The following NPAS3 variants were observed in gnomAD, a reference collection of about 807,000 sequenced individuals.
NPAS3 encodes the protein neuronal PAS domain-containing protein 3.
A neutral mutation model predicts 73.1 loss-of-function variants in NPAS3; 14 were observed. The ratio of observed to expected loss-of-function variants is 0.19; its 90% CI spans 0.13 to 0.30. NPAS3 has a LOEUF of 0.30. NPAS3 is among the 10% of genes least tolerant of loss of function. The pLI is 1.00. For missense variants in NPAS3, 1,096 were observed against 1,250.0 expected, an observed-to-expected ratio of 0.88 and a Z score of 1.86; for synonymous variants, 620 against 541.5, an observed-to-expected ratio of 1.14 and a Z score of -2.01.
At chr14:33,767,997 C>T (rs919788050) in intron 7 of NPAS3, among the ~76,000 whole-genome samples, 1 of 152,194 alleles carries the variant, frequency 6.6e-6, no homozygotes, top group Non-Finnish European at 1.5e-5. Flanking sequence ...CACATTCATC[C>T]TAAACTCTGC....
At chr14:33,527,852 G>C (rs2053870594) in intron 4 of NPAS3, among the ~76,000 whole-genome samples, 1 of 152,072 alleles carries the variant, frequency 6.6e-6, no homozygotes, top group African/African-American at 2.4e-5. Context: ...ATTGCATCCT[G>C]ATCTCCCTGC....
intron 5 of NPAS3, among the ~76,000 whole-genome samples, chr14:33,630,728 G>A (rs982271287): frequency 1.3e-5 from 2 of 151,970 alleles, no homozygotes; most frequent in African/African-American, 4.8e-5. Context: ...ATCAATATAT[G>A]CCCCCCCAGG....
intron 3 of NPAS3, among the ~76,000 whole-genome samples, chr14:33,276,404 G>A (rs971702293): frequency 1.3e-5 from 2 of 152,048 alleles, no homozygotes; most frequent in African/African-American, 4.8e-5. Flanking sequence ...CATACCAGAA[G>A]GAAATGCAAA....
intron 4 of NPAS3, among the ~76,000 whole-genome samples, chr14:33,406,776 G>A (rs1047098927): frequency 6.6e-6 from 1 of 152,118 alleles, no homozygotes; most frequent in Non-Finnish European, 1.5e-5. Flanking sequence ...AGGCACACTA[G>A]TTTTAACCAA....
At chr14:33,083,655 T>C (rs1027149211) in intron 2 of NPAS3, among the ~76,000 whole-genome samples, 1 of 152,210 alleles carries the variant, frequency 6.6e-6, no homozygotes, top group Non-Finnish European at 1.5e-5. Context: ...TATTAGTCAT[T>C]CTGTCATTGG....
At chr14:33,241,100 A>C (rs2048200629) in intron 3 of NPAS3, among the ~76,000 whole-genome samples, 2 of 151,848 alleles carry the variant, frequency 1.3e-5, no homozygotes, top group Admixed American at 6.6e-5. Flanking sequence ...TGGTTGAGAC[A>C]TTTTAATTCA....
At chr14:33,713,826 T>C (rs1195477745) in intron 6 of NPAS3, among the ~76,000 whole-genome samples, 1 of 152,208 alleles carries the variant, frequency 6.6e-6, no homozygotes, top group Non-Finnish European at 1.5e-5. Context: ...CTGTGATATG[T>C]CCATAGAACA....
At chr14:33,023,866 C>T (rs1248031045) in intron 1 of NPAS3, among the ~76,000 whole-genome samples, 1 of 152,080 alleles carries the variant, frequency 6.6e-6, no homozygotes, top group Non-Finnish European at 1.5e-5. Context: ...GTGGGTCTCA[C>T]ATAGGCATAC....
At chr14:33,795,590 A>G (rs753258244) in intron 10 of NPAS3, among the ~76,000 whole-genome samples, 2 of 152,298 alleles carry the variant, frequency 1.3e-5, no homozygotes, top group Non-Finnish European at 2.9e-5. Flanking sequence ...CAGGCACCCT[A>G]GGGCTAGCAG....
At chr14:33,479,238 T>A (rs2051193682) in intron 4 of NPAS3, among the ~76,000 whole-genome samples, 1 of 152,186 alleles carries the variant, frequency 6.6e-6, no homozygotes, top group South Asian at 2.1e-4. Context: ...TCCTTTTTAA[T>A]GTTAAATGCA....
intron 2 of NPAS3, among the ~76,000 whole-genome samples, chr14:33,130,645 G>T (rs1203009760): frequency 6.6e-6 from 1 of 152,106 alleles, no homozygotes; most frequent in Non-Finnish European, 1.5e-5. Flanking sequence ...ACAAGTGAAT[G>T]GGGGAAATGC....
intron 4 of NPAS3, among the ~76,000 whole-genome samples, chr14:33,453,199 C>T (rs2049880601): frequency 6.6e-6 from 1 of 152,188 alleles, no homozygotes; most frequent in Non-Finnish European, 1.5e-5. Flanking sequence ...CCATGTTCAT[C>T]TCAGCCAGGG....
intron 3 of NPAS3, among the ~76,000 whole-genome samples, chr14:33,258,209 C>A (rs1040627818): frequency 6.6e-6 from 1 of 152,062 alleles, no homozygotes; most frequent in Admixed American, 6.5e-5. Flanking sequence ...CCAGCCTGGG[C>A]AACACGTTAA....
chr14:33,208,329 G>A (rs1343273177), intron 2 of NPAS3, among the ~76,000 whole-genome samples: 1 of 152,124 alleles, frequency 6.6e-6, no homozygotes, highest in East Asian at 1.9e-4. Flanking sequence ...CTATTCTAAT[G>A]ACTCATTCTG....
chr14:33,459,594 A>G (rs189347509), intron 4 of NPAS3, among the ~76,000 whole-genome samples: 254 of 152,336 alleles, frequency 1.7e-3, no homozygotes, highest in Non-Finnish European at 2.8e-3. Flanking sequence ...TATCTGTAGA[A>G]GAGGAATATT....
At chr14:33,072,344 C>T (rs1418866307) in intron 2 of NPAS3, among the ~76,000 whole-genome samples, 1 of 152,204 alleles carries the variant, frequency 6.6e-6, no homozygotes, top group Non-Finnish European at 1.5e-5. Context: ...AAAACAACTT[C>T]AGTTGTTCTA....
At chr14:33,563,266 T>C (rs1176391951) in intron 5 of NPAS3, among the ~76,000 whole-genome samples, 1 of 152,108 alleles carries the variant, frequency 6.6e-6, no homozygotes, top group African/African-American at 2.4e-5. Context: ...GGATTCTTTT[T>C]TGGCTCACAA....
At chr14:33,662,396 G>A (rs2059333121) in intron 5 of NPAS3, among the ~76,000 whole-genome samples, 1 of 152,214 alleles carries the variant, frequency 6.6e-6, no homozygotes, top group Non-Finnish European at 1.5e-5. Context: ...ACCCTACTGA[G>A]TTCTCTTGGG....
At chr14:33,244,785 C>A (rs2048324078) in intron 3 of NPAS3, among the ~76,000 whole-genome samples, 1 of 152,164 alleles carries the variant, frequency 6.6e-6, no homozygotes, top group Non-Finnish European at 1.5e-5. Flanking sequence ...AAAACCCCAA[C>A]TCAGCAAGGC....
Sources: gnomAD v4.1 joint callset for allele counts (sites outside exome capture counted in the v4.1 genomes callset) on GRCh38, gnomAD v4.1.1 for gene constraint, MANE v1.5 for transcripts, NCBI Gene and HGNC (gene_info 2026-07-23, HGNC 2026-07-21) for gene names.